The following MSI2 variants were observed in gnomAD, a reference collection of about 807,000 sequenced individuals.
The protein encoded by MSI2 is musashi RNA binding protein 2, also known as RNA-binding protein Musashi homolog 2.
Under a neutral mutation model 45.6 loss-of-function variants are expected in MSI2, and 17 were observed. The ratio of observed to expected loss-of-function variants is 0.37; its 90% CI spans 0.26 to 0.56. The LOEUF (loss-of-function observed/expected upper bound fraction) is 0.56, where lower values mean the gene tolerates loss of function less well. Among genes scored for constraint, MSI2 ranks in the 20% least tolerant of loss-of-function variants. The pLI is 0.77. For missense variants in MSI2, 293 were observed against 444.2 expected (o/e 0.66, Z 3.06); for synonymous variants, 156 against 158.2 (o/e 0.99, Z 0.11).
intron 10 of MSI2, among the ~76,000 whole-genome samples, chr17:57,651,450 C>T (rs1307051192): frequency 6.6e-6 from 1 of 152,116 alleles, no homozygotes; most frequent in Non-Finnish European, 1.5e-5. Context: ...CAGCCCCGCA[C>T]TCCCTTCCCT....
intron 5 of MSI2, among the ~76,000 whole-genome samples, chr17:57,263,011 A>G (rs969167073): frequency 2.0e-5 from 3 of 152,176 alleles, no homozygotes; most frequent in Admixed American, 1.3e-4. Context: ...AATGCTTTTT[A>G]TGTATCTTCG....
chr17:57,479,095 G>A (rs998917503), intron 6 of MSI2, among the ~76,000 whole-genome samples: 3 of 152,278 alleles, frequency 2.0e-5, no homozygotes, highest in Non-Finnish European at 4.4e-5. Context: ...GGGAAGGGGT[G>A]GGAGTGCTTT....
chr17:57,553,905 AG>A (rs1172442258), intron 7 of MSI2, among the ~76,000 whole-genome samples: 2 of 152,194 alleles, frequency 1.3e-5, no homozygotes, highest in African/African-American at 4.8e-5. Context: ...TTTAAAGCAA[AG>A]CTCCAGAGAG....
chr17:57,511,514 C>A (rs2086354942), intron 6 of MSI2, among the ~76,000 whole-genome samples: 1 of 152,190 alleles, frequency 6.6e-6, no homozygotes, highest in Admixed American at 6.5e-5. Flanking sequence ...TCAAGTCCTG[C>A]TGGCTCAGAA....
intron 6 of MSI2, among the ~76,000 whole-genome samples, chr17:57,512,773 TG>T (rs1432609851): frequency 6.6e-6 from 1 of 152,146 alleles, no homozygotes; most frequent in Non-Finnish European, 1.5e-5. Context: ...GGGTACTCCT[TG>T]CTCAGGTGAA....
intron 7 of MSI2, among the ~76,000 whole-genome samples, chr17:57,540,452 C>T (rs911821878): frequency 6.6e-6 from 1 of 152,128 alleles, no homozygotes; most frequent in Non-Finnish European, 1.5e-5. Flanking sequence ...GAAGTCCTGA[C>T]CCCTAAAAGA....
chr17:57,292,873 T>A (rs1484318880), intron 5 of MSI2, among the ~76,000 whole-genome samples: 1 of 152,110 alleles, frequency 6.6e-6, no homozygotes, highest in Admixed American at 6.5e-5. Flanking sequence ...AGAGCCTCCC[T>A]CTCACAGGTA....
At chr17:57,384,341 C>G (rs925757048) in intron 5 of MSI2, among the ~76,000 whole-genome samples, 25 of 152,244 alleles carry the variant, frequency 1.6e-4, no homozygotes, top group African/African-American at 5.5e-4. Flanking sequence ...ATATGTCTGG[C>G]TCCTGAACTG....
intron 6 of MSI2, among the ~76,000 whole-genome samples, chr17:57,419,963 A>G (rs1445999851): frequency 6.6e-6 from 1 of 152,160 alleles, no homozygotes; most frequent in African/African-American, 2.4e-5. Context: ...AGAATGAATC[A>G]AGTATGGGGT....
chr17:57,328,786 T>G (rs899759581), intron 5 of MSI2, among the ~76,000 whole-genome samples: 3 of 151,884 alleles, frequency 2.0e-5, no homozygotes, highest in African/African-American at 7.3e-5. Flanking sequence ...GAGACATTCC[T>G]CTATATGGAA....
chr17:57,578,854 T>C (rs980973376), intron 7 of MSI2, among the ~76,000 whole-genome samples: 29 of 152,124 alleles, frequency 1.9e-4, no homozygotes, highest in African/African-American at 6.8e-4. Context: ...TTGTTTTTCT[T>C]TTTCCCCCTC....
At chr17:57,500,966 A>G (rs533492905) in intron 6 of MSI2, among the ~76,000 whole-genome samples, 37 of 151,954 alleles carry the variant, frequency 2.4e-4, no homozygotes, top group African/African-American at 8.9e-4. Context: ...CTGTCTTGAA[A>G]AAAAAAAAAA....
chr17:57,259,103 C>A (rs1041195507), intron 4 of MSI2, among the ~76,000 whole-genome samples: 7 of 152,030 alleles, frequency 4.6e-5, no homozygotes, highest in Non-Finnish European at 1.0e-4. Context: ...TATAACAATA[C>A]ATTTAATGGG....
At chr17:57,672,036 G>A (rs1300446141) in intron 11 of MSI2, among the ~76,000 whole-genome samples, 1 of 152,198 alleles carries the variant, frequency 6.6e-6, no homozygotes, top group South Asian at 2.1e-4. Flanking sequence ...AGCTAGAGGC[G>A]GGACCAGCCA....
intron 5 of MSI2, among the ~76,000 whole-genome samples, chr17:57,335,141 G>A (rs1336066584): frequency 2.0e-5 from 3 of 152,090 alleles, no homozygotes; most frequent in African/African-American, 7.2e-5. Flanking sequence ...TGGCTTTGTT[G>A]GTGTCTTCCC....
In MSI2 at chr17:57,682,869, A is replaced by C. The variant is rs562568755; in HGVS notation, c.*3352A>C. On this transcript the variant is annotated 3_prime_UTR_variant, in exon 14 of 14. Transcript: ENST00000284073. ...CTCTCCTCCCAAGCAGAGGCGAGTG[A>C]GTGGCATTAGCTCCCGGACCCATTC... is the stretch of plus-strand genomic sequence containing the variant. The C allele has an allele frequency of 4.4e-6, 1 of 224,982 alleles. No homozygotes were observed. The highest frequency in any genetic ancestry group is 6.4e-5 in the East Asian group (1 of 15,662). 13.9% of individuals were successfully genotyped at this position (224,982 alleles called of 1,614,324 possible). A position where few individuals can be genotyped will look rare whatever the true frequency, so the allele number is the denominator to read the frequency against.
chr17:57,675,901 G>A (rs908456323), intron 12 of MSI2, among the ~76,000 whole-genome samples: 1 of 152,316 alleles, frequency 6.6e-6, no homozygotes, highest in Admixed American at 6.5e-5. Context: ...AGATTGTGTT[G>A]TTCTTCTCCC....
chr17:57,266,502 C>T (rs34323977), intron 5 of MSI2: 11,201 of 152,300 alleles, frequency 0.074, 523 homozygotes, highest in African/African-American at 0.12. Flanking sequence ...GCTGGGATTA[C>T]AGGCACCTGC....
At chr17:57,546,739 C>A (rs1055942626) in intron 7 of MSI2, among the ~76,000 whole-genome samples, 1 of 152,200 alleles carries the variant, frequency 6.6e-6, no homozygotes, top group Non-Finnish European at 1.5e-5. Context: ...GCTGTAGCCT[C>A]CCGCTGTGGG....
Sources: allele counts gnomAD v4.1 joint callset (sites outside exome capture counted in the v4.1 genomes callset), GRCh38; gene constraint gnomAD v4.1.1; transcripts MANE v1.5; gene names NCBI Gene and HGNC (gene_info 2026-07-23, HGNC 2026-07-21).